ZBTB25: variants seen among roughly 807,000 people sequenced by gnomAD.
The protein encoded by ZBTB25 is zinc finger and BTB domain containing 25.
ZBTB25 carries 20 observed loss-of-function variants against 34.2 expected under a neutral mutation model. That is an observed-to-expected ratio of 0.58 (90% CI 0.41 to 0.85). ZBTB25 has a LOEUF of 0.85. Among genes scored for constraint, ZBTB25 ranks in the 40% least tolerant of loss-of-function variants. The pLI is 0.00. For synonymous variants in ZBTB25, 175 were observed against 186.4 expected (o/e 0.94, Z 0.50); for missense variants, 437 against 521.8 (o/e 0.84, Z 1.58).
At position 64,487,291 on chromosome 14, in the gene ZBTB25, G is replaced by C. The variant is rs760763175; in HGVS notation, c.940C>G (p.Arg314Gly). 6.2e-7 allele frequency: 1 copy of C among 1,613,896 alleles called. No individual in the cohort carries two copies. Among genetic ancestry groups the C allele is most frequent in the African/African-American group, 1.3e-5 (1 of 74,914 alleles). Residue 314 changes from arginine (R) to glycine (G), a missense_variant, in exon 3 of 3, where the codon CGG becomes GGG. Coordinates refer to ENST00000608382, the MANE Select transcript of ZBTB25 (RefSeq NM_006977.5). The stretch of plus-strand genomic sequence containing the variant: ...ATCTGCAAAGGCTCTGTGGTACCCC[G>C]GTTGGTGTGGTCTGGCTGCTGTTCA... ...ENEQQPDHTNRGTTEPLQISQ... is the reference protein window; with the variant it reads ...ENEQQPDHTNGGTTEPLQISQ...
downstream of ZBTB25, among the ~76,000 whole-genome samples, chr14:64,477,862 C>T (rs1332628565): frequency 6.6e-6 from 1 of 152,224 alleles, no homozygotes; most frequent in East Asian, 1.9e-4. Context: ...CACGGAACCT[C>T]CTGAAACTTG....
chr14:64,498,105 G>A (rs2079340830), intron 1 of ZBTB25, among the ~76,000 whole-genome samples: 1 of 152,144 alleles, frequency 6.6e-6, no homozygotes, highest in African/African-American at 2.4e-5. Flanking sequence ...CTTTTTAATG[G>A]AACTTTCACA....
At chr14:64,492,264 C>G (rs925713397) in intron 1 of ZBTB25, among the ~76,000 whole-genome samples, 1 of 151,602 alleles carries the variant, frequency 6.6e-6, no homozygotes, top group African/African-American at 2.4e-5. Flanking sequence ...TGGAGTGCAA[C>G]GGCTCCATCT....
At chr14:64,472,486 C>T (rs1447017939) in intron 2 of ZBTB25, 1 of 166,698 alleles carries the variant, frequency 6.0e-6, no homozygotes, top group Non-Finnish European at 1.5e-5. Context: ...TAGGTTTTTA[C>T]TTTTTTCACT....
Position 64,503,703 on chromosome 14 carries a change from G to A in ZBTB25, c.-50C>T, listed in dbSNP as rs1046390926. On this transcript the variant is annotated 5_prime_UTR_variant, in exon 1 of 3. Coordinates refer to ENST00000608382, the MANE Select transcript of ZBTB25 (RefSeq NM_006977.5). ...GGCAGGCCGACTCCTCCGTGCAGGAGGGGCGGGCTCCCAAGCCGCGCACTG... is the reference window on the plus strand; with the variant it reads ...GGCAGGCCGACTCCTCCGTGCAGGAAGGGCGGGCTCCCAAGCCGCGCACTG... 3.6e-5 allele frequency: 27 copies of A among 759,616 alleles called. No individual in the cohort carries two copies. Among genetic ancestry groups the A allele is most frequent in the Non-Finnish European group, 4.2e-5 (26 of 623,790 alleles). 47.1% of individuals were successfully genotyped at this position (759,616 alleles called of 1,614,324 possible).
At chr14:64,468,493 C>T in intron 2 of ZBTB25, 1 of 1,614,048 alleles carries the variant, frequency 6.2e-7, no homozygotes, top group Non-Finnish European at 8.5e-7. Flanking sequence ...AAAAGGCATC[C>T]ATGCTTTGCT....
chr14:64,502,953 G>T (rs758290608), intron 1 of ZBTB25: 75 of 985,382 alleles, frequency 7.6e-5, no homozygotes, highest in Non-Finnish European at 8.8e-5. Context: ...TGAGTCTCAA[G>T]AGAAAGAATG....
At chr14:64,505,185 G>A (rs1376889675), upstream of ZBTB25, 3 of 327,092 alleles carry the variant, frequency 9.2e-6, no homozygotes, top group African/African-American at 2.2e-5. Context: ...CCCCTACGGA[G>A]ACTAGTTCCC....
intron 2 of ZBTB25, chr14:64,468,853 A>C (rs1182985101): frequency 6.2e-7 from 1 of 1,614,070 alleles, no homozygotes; most frequent in Non-Finnish European, 8.5e-7. Context: ...GCAGCATCAA[A>C]GTCCAGGAAG....
At chr14:64,477,993 A>C (rs1327499908), downstream of ZBTB25, 1 of 152,254 alleles carries the variant, frequency 6.6e-6, no homozygotes, top group East Asian at 1.9e-4. Flanking sequence ...TGTACAGAGA[A>C]TCTCTCTTGG....
chr14:64,464,037 T>C (rs2078585025), intron 2 of ZBTB25, among the ~76,000 whole-genome samples: 2 of 121,340 alleles, frequency 1.6e-5, no homozygotes, highest in Non-Finnish European at 3.7e-5. Context: ...GCTGACTGAA[T>C]TTTTTTTTTT....
At chr14:64,453,639 TA>T in intron 2 of ZBTB25, 1 of 712,120 alleles carries the variant, frequency 1.4e-6, no homozygotes. Flanking sequence ...TATATGTATA[TA>T]AAAACCATCT....
chr14:64,472,406 A>T (rs139800580), intron 2 of ZBTB25: 79 of 167,178 alleles, frequency 4.7e-4, no homozygotes, highest in African/African-American at 1.8e-3. Flanking sequence ...GGGGATTTTT[A>T]AAAAAACAGA....
intron 1 of ZBTB25, among the ~76,000 whole-genome samples, chr14:64,497,166 T>TA (rs5809232): frequency 0.26 from 38,124 of 149,464 alleles, 5,450 homozygotes; most frequent in Non-Finnish European, 0.34. Context: ...TAAAATCTAT[T>TA]AAAAAAAAAA....
intron 1 of ZBTB25, 191 bp downstream of exon 1, chr14:64,503,470 C>T: frequency 1.0e-6 from 1 of 985,456 alleles, no homozygotes; most frequent in Non-Finnish European, 1.2e-6. Context: ...ATTGTCGGCC[C>T]AGCGCTCACT....
Position 64,486,162 on chromosome 14 carries a change from C to T in ZBTB25, c.*761G>A, listed in dbSNP as rs905595091. ...AAAAAATACAAAAAAATTAGCTGGGCGTGGTGGCGGGCGCCTGTAGTCCCA... is the reference window on the plus strand; with the variant it reads ...AAAAAATACAAAAAAATTAGCTGGGTGTGGTGGCGGGCGCCTGTAGTCCCA... On this transcript the variant is annotated 3_prime_UTR_variant, in exon 3 of 3. Coordinates refer to ENST00000608382, the MANE Select transcript of ZBTB25 (RefSeq NM_006977.5). The T allele has an allele frequency of 5.1e-5, 34 of 661,102 alleles. No individual in the cohort carries two copies. The highest frequency in any genetic ancestry group is 7.6e-4 in the Middle Eastern group (1 of 1,316). The allele number at this position is 661,102 out of a possible 1,614,324, so 41.0% of individuals were successfully genotyped here.
At chr14:64,458,114 C>A in intron 2 of ZBTB25, 1 of 951,810 alleles carries the variant, frequency 1.1e-6, no homozygotes, top group Non-Finnish European at 1.7e-6. Flanking sequence ...TGGTTTAGAA[C>A]TCCTGGCCTC....
At chr14:64,450,349 G>A (rs1417192508) in intron 2 of ZBTB25, among the ~76,000 whole-genome samples, 1 of 152,202 alleles carries the variant, frequency 6.6e-6, no homozygotes, top group Admixed American at 6.5e-5. Context: ...CAGTAATAGG[G>A]GAAAGAAGTG....
rs558076311 is a variant in ZBTB25 at position 64,499,174 on chromosome 14, G to A, written c.-8+4487C>T. 6.6e-5 allele frequency among the ~76,000 whole-genome samples: 10 copies of A among 152,248 alleles called. No individual in the cohort carries two copies. The East Asian group carries it at 7.7e-4, about 12-fold the overall frequency. ...CTAGTCTCTATAAATAAACAATTCC[G>A]TAAGAGTGTTCAAAGTATGGAAATT... On this transcript the variant is annotated intron_variant, in intron 1 of 2. Transcript: ENST00000608382.
Sources: allele counts gnomAD v4.1 joint callset (sites outside exome capture counted in the v4.1 genomes callset), GRCh38; gene constraint gnomAD v4.1.1; transcripts MANE v1.5; gene names NCBI Gene and HGNC (gene_info 2026-07-23, HGNC 2026-07-21).